Variants in DPH6 observed in about 807,000 individuals in gnomAD.
DPH6 encodes the protein diphthine--ammonia ligase.
In DPH6, 33 loss-of-function variants were observed where a neutral mutation model predicts 38.2. The observed-to-expected ratio is 0.86, with a 90% CI of 0.65 to 1.15. The LOEUF (loss-of-function observed/expected upper bound fraction) is 1.15, where lower values mean the gene tolerates loss of function less well. DPH6 is among the 50% of genes most tolerant of loss of function. DPH6 has a pLI of 0.00. For missense variants in DPH6, 325 were observed against 320.0 expected (o/e 1.02, Z -0.12); for synonymous variants, 108 against 103.0 (o/e 1.05, Z -0.30).
At chr15:35,296,147 G>C (rs2052013266) in intron 3 of DPH6, among the ~76,000 whole-genome samples, 1 of 151,974 alleles carries the variant, frequency 6.6e-6, no homozygotes, top group Non-Finnish European at 1.5e-5. Flanking sequence ...CACCGTGTTA[G>C]CCAGGATGGT....
intron 3 of DPH6, among the ~76,000 whole-genome samples, chr15:35,535,687 A>T (rs1361396022): frequency 1.3e-5 from 2 of 152,208 alleles, no homozygotes; most frequent in Non-Finnish European, 2.9e-5. Context: ...ACATTTTAAC[A>T]GTAAAGAAAT....
At chr15:35,156,567 C>T in the DPH6 span, among the ~76,000 whole-genome samples, 1 of 151,732 alleles carries the variant, frequency 6.6e-6, no homozygotes, top group Non-Finnish European at 1.5e-5. Context: ...GGATGGGGCA[C>T]ACTTATTTGA....
chr15:35,538,157 T>C, intron 3 of DPH6, 117 bp downstream of exon 3: 1 of 905,630 alleles, frequency 1.1e-6, no homozygotes, highest in Non-Finnish European at 1.5e-6. Flanking sequence ...CAAAATCCTT[T>C]TAAAGAATAG....
At chr15:35,359,206 C>A (rs2052592889) in intron 3 of DPH6, among the ~76,000 whole-genome samples, 1 of 151,922 alleles carries the variant, frequency 6.6e-6, no homozygotes, top group African/African-American at 2.4e-5. Context: ...CCCAGCAAAC[C>A]CAAGGGCCGG....
intron 3 of DPH6, among the ~76,000 whole-genome samples, chr15:35,268,653 T>C (rs1486860379): frequency 6.6e-6 from 1 of 151,610 alleles, no homozygotes; most frequent in Non-Finnish European, 1.5e-5. Context: ...ACTATATATT[T>C]TTGAAAACAT....
chr15:35,369,770 G>T (rs965022116), downstream of DPH6, among the ~76,000 whole-genome samples: 1 of 151,768 alleles, frequency 6.6e-6, no homozygotes, highest in Non-Finnish European at 1.5e-5. Context: ...CATGTTCATG[G>T]ATAAAAAGAC....
chr15:35,280,726 T>TA (rs1293197703), intron 3 of DPH6, among the ~76,000 whole-genome samples: 2 of 152,210 alleles, frequency 1.3e-5, no homozygotes, highest in South Asian at 4.1e-4. Flanking sequence ...GTAGGTAAGG[T>TA]AAAAAAAATT....
chr15:35,160,542 C>G, the DPH6 span, among the ~76,000 whole-genome samples: 1 of 151,728 alleles, frequency 6.6e-6, no homozygotes, highest in African/African-American at 2.4e-5. Context: ...ATTTTGTCAT[C>G]CAGGTAGTGA....
At chr15:35,344,739 A>G (rs1595490716) in intron 3 of DPH6, among the ~76,000 whole-genome samples, 2 of 151,940 alleles carry the variant, frequency 1.3e-5, no homozygotes, top group African/African-American at 4.8e-5. Context: ...AACTTTATTC[A>G]GCTACAATGA....
At chr15:35,396,023 C>T (rs2053127324) in intron 6 of DPH6, among the ~76,000 whole-genome samples, 1 of 151,996 alleles carries the variant, frequency 6.6e-6, no homozygotes, top group African/African-American at 2.4e-5. Flanking sequence ...CCACTAACTG[C>T]CGAGGACCCA....
chr15:35,151,695 C>T, the DPH6 span, among the ~76,000 whole-genome samples: 1 of 152,134 alleles, frequency 6.6e-6, no homozygotes, highest in Non-Finnish European at 1.5e-5. Context: ...TGCCTTGTGC[C>T]CTGAGCTACT....
the DPH6 span, among the ~76,000 whole-genome samples, chr15:35,184,120 G>T: frequency 6.6e-6 from 1 of 152,166 alleles, no homozygotes; most frequent in Non-Finnish European, 1.5e-5. Flanking sequence ...AGATGTAAAT[G>T]TAACAATCAA....
At chr15:35,270,245 A>G (rs1438371321) in intron 3 of DPH6, among the ~76,000 whole-genome samples, 3 of 152,254 alleles carry the variant, frequency 2.0e-5, no homozygotes, top group African/African-American at 7.2e-5. Flanking sequence ...AAGAAGAAAG[A>G]AAGGAAATAA....
chr15:35,216,131 A>G (rs1023716788), downstream of DPH6, among the ~76,000 whole-genome samples: 1 of 152,226 alleles, frequency 6.6e-6, no homozygotes, highest in Non-Finnish European at 1.5e-5. Context: ...ATAGAGCTTG[A>G]ATTTTAGAGC....
chr15:35,252,419 T>C (rs2051681119), intron 3 of DPH6, among the ~76,000 whole-genome samples: 1 of 152,196 alleles, frequency 6.6e-6, no homozygotes, highest in South Asian at 2.1e-4. Context: ...GCTAAACAAG[T>C]TTCATTACTG....
intron 3 of DPH6, among the ~76,000 whole-genome samples, chr15:35,473,937 TGTGTGTGTGTGTGTGTGTGTGCGC>T (rs1297405188): frequency 1.1e-5 from 1 of 92,514 alleles, no homozygotes; most frequent in East Asian, 4.1e-4. Flanking sequence ...TGTGTGTGTG[TGTGTGTGTGTGTGTGTGTGTGCGC>T]GCGCGCGCGT....
chr15:35,300,487 C>T (rs1247271377), intron 3 of DPH6, among the ~76,000 whole-genome samples: 1 of 152,128 alleles, frequency 6.6e-6, no homozygotes, highest in Non-Finnish European at 1.5e-5. Flanking sequence ...GATTCTGAAT[C>T]GTTCCGGGAC....
chr15:35,543,762 C>T (rs1167235083), intron 1 of DPH6, among the ~76,000 whole-genome samples: 4 of 152,234 alleles, frequency 2.6e-5, no homozygotes, highest in Admixed American at 2.6e-4. Flanking sequence ...TTAAAAAGTC[C>T]ATTCTTCCTC....
intron 6 of DPH6, among the ~76,000 whole-genome samples, chr15:35,390,562 A>C (rs925039824): frequency 6.6e-6 from 1 of 151,574 alleles, no homozygotes; most frequent in African/African-American, 2.4e-5. Flanking sequence ...TTTTTCTCTA[A>C]ACTTCTCTTC....
Sources: gnomAD v4.1 joint callset for allele counts (sites outside exome capture counted in the v4.1 genomes callset) on GRCh38, gnomAD v4.1.1 for gene constraint, MANE v1.5 for transcripts, NCBI Gene and HGNC (gene_info 2026-07-23, HGNC 2026-07-21) for gene names.